The following CORIN variants were observed in gnomAD, a reference collection of about 807,000 sequenced individuals.
CORIN encodes corin, serine peptidase.
Under a neutral mutation model 125.3 loss-of-function variants are expected in CORIN, and 117 were observed. The ratio of observed to expected loss-of-function variants is 0.93; its 90% CI spans 0.80 to 1.09. The LOEUF is 1.09. Ranked by LOEUF, CORIN falls within the 50% of genes least tolerant of loss-of-function variation. The pLI is 0.00. For synonymous variants in CORIN, 450 were observed against 466.4 expected (o/e 0.96, Z 0.45); for missense variants, 1,253 against 1,306.7 (o/e 0.96, Z 0.63).
chr4:47,803,978 A>C (rs1358398835), intron 2 of CORIN, among the ~76,000 whole-genome samples: 1 of 152,234 alleles, frequency 6.6e-6, no homozygotes, highest in Non-Finnish European at 1.5e-5. Context: ...TCATAATCAG[A>C]ATTTATAAGG....
chr4:47,689,463 G>A (rs1000504726), intron 6 of CORIN, among the ~76,000 whole-genome samples: 10 of 151,962 alleles, frequency 6.6e-5, no homozygotes, highest in African/African-American at 1.5e-4. Context: ...TATTACACTC[G>A]GTGTAATTAG....
intron 4 of CORIN, among the ~76,000 whole-genome samples, chr4:47,761,728 G>A (rs1267590396): frequency 6.6e-6 from 1 of 152,190 alleles, no homozygotes; most frequent in Non-Finnish European, 1.5e-5. Context: ...GTTCAAGGGT[G>A]AAGATTGGGG....
intron 13 of CORIN, among the ~76,000 whole-genome samples, chr4:47,646,316 A>C (rs980262288): frequency 6.6e-6 from 1 of 152,166 alleles, no homozygotes; most frequent in Non-Finnish European, 1.5e-5. Flanking sequence ...TGCCAAACAA[A>C]ACTAGTTTAA....
intron 1 of CORIN, among the ~76,000 whole-genome samples, chr4:47,810,090 T>C (rs1400611513): frequency 6.6e-6 from 1 of 152,230 alleles, no homozygotes; most frequent in East Asian, 1.9e-4. Flanking sequence ...TGATTGGACC[T>C]GCACATATTT....
intron 10 of CORIN, 135 bp downstream of exon 10, chr4:47,674,258 T>C: frequency 1.5e-6 from 1 of 655,516 alleles, no homozygotes; most frequent in East Asian, 2.7e-5. Context: ...ACATGCGACC[T>C]TTTAAAAAGA....
chr4:47,643,075 T>C (rs1462343640), intron 15 of CORIN, 71 bp downstream of exon 15: 4 of 1,611,214 alleles, frequency 2.5e-6, no homozygotes, highest in Non-Finnish European at 3.4e-6. Context: ...GGAAGTAATT[T>C]AGGATCCATT....
chr4:47,653,429 G>A (rs918865785), intron 13 of CORIN, 124 bp downstream of exon 13: 5 of 742,432 alleles, frequency 6.7e-6, no homozygotes, highest in Non-Finnish European at 1.1e-5. Context: ...AATTTAAGAA[G>A]TAAAGACATT....
At chr4:47,638,363 G>T (rs1723108660) in intron 16 of CORIN, among the ~76,000 whole-genome samples, 2 of 152,114 alleles carry the variant, frequency 1.3e-5, no homozygotes, top group Admixed American at 1.3e-4. Context: ...GAAATGTGAG[G>T]ACATGAGATT....
intron 1 of CORIN, among the ~76,000 whole-genome samples, chr4:47,827,598 G>T (rs1055399681): frequency 1.3e-5 from 2 of 152,194 alleles, no homozygotes; most frequent in African/African-American, 2.4e-5. Flanking sequence ...TCTACTTCCT[G>T]AGTGGTTTTA....
intron 6 of CORIN, among the ~76,000 whole-genome samples, chr4:47,689,957 T>A (rs1288600365): frequency 6.6e-6 from 1 of 152,148 alleles, no homozygotes; most frequent in African/African-American, 2.4e-5. Flanking sequence ...AGGTAGACAT[T>A]TCTAAAATTT....
chr4:47,697,149 A>T (rs750801591), intron 5 of CORIN, among the ~76,000 whole-genome samples: 2 of 152,214 alleles, frequency 1.3e-5, no homozygotes, highest in African/African-American at 2.4e-5. Context: ...TAGATGAAAA[A>T]GACTGAGTGT....
chr4:47,796,793 T>C (rs1323128159), intron 2 of CORIN, among the ~76,000 whole-genome samples: 1 of 152,072 alleles, frequency 6.6e-6, no homozygotes, highest in Non-Finnish European at 1.5e-5. Context: ...AAATAAATGC[T>C]ACAACCAGAC....
Position 47,665,139 on chromosome 4 carries a change from G to A in CORIN, c.1482C>T (p.Phe494=). 6.2e-7 allele frequency: 1 copy of A among 1,613,842 alleles called. No homozygotes were observed. The highest frequency in any genetic ancestry group is 1.3e-5 in the African/African-American group (1 of 75,022). ...AACAGTTGGTTTGAACAAGTGCAGGGAAAAGAGAAGACTCCCAGCTGATGG... is the reference window on the plus strand; with the variant it reads ...AACAGTTGGTTTGAACAAGTGCAGGAAAAAGAGAAGACTCCCAGCTGATGG... ...EASISWESSL[F]PALVQTNCYK... is the part of the protein sequence containing the mutation. The change falls in exon 11 of 22, where the codon TTC becomes TTT. Residue 494 remains phenylalanine, a synonymous_variant. Transcript: ENST00000273857.
At chr4:47,775,881 G>C (rs1335666653) in intron 3 of CORIN, among the ~76,000 whole-genome samples, 2 of 152,138 alleles carry the variant, frequency 1.3e-5, no homozygotes, top group Admixed American at 1.3e-4. Context: ...TGGATTTGGG[G>C]CTTTGTCTTT....
intron 5 of CORIN, among the ~76,000 whole-genome samples, chr4:47,710,842 C>G (rs370105411): frequency 1.6e-4 from 25 of 152,256 alleles, no homozygotes; most frequent in African/African-American, 5.5e-4. Flanking sequence ...ACCATCTAGT[C>G]TATCCCCACT....
intron 2 of CORIN, among the ~76,000 whole-genome samples, chr4:47,797,002 C>T (rs1731316346): frequency 6.6e-6 from 1 of 151,900 alleles, no homozygotes; most frequent in Admixed American, 6.6e-5. Context: ...TGCCTTCTTC[C>T]CTCACTGTGG....
chr4:47,827,652 T>C (rs972333722), intron 1 of CORIN, among the ~76,000 whole-genome samples: 5 of 152,258 alleles, frequency 3.3e-5, no homozygotes, highest in African/African-American at 4.8e-5. Flanking sequence ...ATTTTCCCTT[T>C]CTACCTTAAA....
Position 47,806,947 on chromosome 4 carries a change from A to C in CORIN, c.164T>G (p.Ile55Ser). 6.2e-7 allele frequency: 1 copy of C among 1,613,928 alleles called. No homozygotes were observed. The highest frequency in any genetic ancestry group is 1.1e-5 in the South Asian group (1 of 91,062). The change falls in exon 2 of 22, where the codon ATC (isoleucine) becomes AGC (serine). Residue 55 changes from isoleucine (I) to serine (S), a missense_variant. Transcript: ENST00000273857. ...CACCAGCAAGAGAACGAGAGCACAG[A>C]TACATGGAATCAGGACCAGCAATAG... Reference protein sequence around the residue: ...RFLLLVLIPCICALVLLLVIL... With the variant: ...RFLLLVLIPCSCALVLLLVIL...
chr4:47,624,213 A>G (rs1722459443), intron 17 of CORIN, among the ~76,000 whole-genome samples: 1 of 152,198 alleles, frequency 6.6e-6, no homozygotes, highest in South Asian at 2.1e-4. Flanking sequence ...TAATGTCATC[A>G]TAATTTAATT....
Sources: allele counts gnomAD v4.1 joint callset (sites outside exome capture counted in the v4.1 genomes callset), GRCh38; gene constraint gnomAD v4.1.1; transcripts MANE v1.5; gene names NCBI Gene and HGNC (gene_info 2026-07-23, HGNC 2026-07-21).